The following DPH6 variants were observed in gnomAD, a reference collection of about 807,000 sequenced individuals.
DPH6 encodes diphthine--ammonia ligase.
DPH6 carries 33 observed loss-of-function variants against 38.2 expected under a neutral mutation model. The ratio of observed to expected loss-of-function variants is 0.86; its 90% confidence interval spans 0.65 to 1.15. DPH6 has a LOEUF of 1.15. Among genes scored for constraint, DPH6 ranks in the 50% most tolerant of loss-of-function variants. The pLI, the probability that DPH6 is intolerant of heterozygous loss-of-function variation, is 0.00. For synonymous variants in DPH6, 108 were observed against 103.0 expected (o/e 1.05, Z -0.30); for missense variants, 325 against 320.0 (o/e 1.02, Z -0.12).
chr15:35,217,329 C>T (rs2051416070), downstream of DPH6: 1 of 152,062 alleles, frequency 6.6e-6, no homozygotes, highest in African/African-American at 2.4e-5. Flanking sequence ...ATTTAGAAGG[C>T]ATACCAATGT....
At chr15:35,533,089 A>G (rs2141541283) in intron 3 of DPH6, among the ~76,000 whole-genome samples, 1 of 147,774 alleles carries the variant, frequency 6.8e-6, no homozygotes. Flanking sequence ...CCTGGGTGAC[A>G]AGAGCGACAC....
At chr15:35,505,797 T>G (rs886476957) in intron 3 of DPH6, among the ~76,000 whole-genome samples, 1 of 152,152 alleles carries the variant, frequency 6.6e-6, no homozygotes, top group African/African-American at 2.4e-5. Context: ...ACTGTTTTTC[T>G]AGCCTCAAAC....
chr15:35,237,542 G>A (rs576582891), intron 3 of DPH6: 28 of 1,549,826 alleles, frequency 1.8e-5, no homozygotes, highest in African/African-American at 1.5e-4. Context: ...TGAACTAAGC[G>A]ATAACAGAGT....
intron 3 of DPH6, among the ~76,000 whole-genome samples, chr15:35,458,360 G>C (rs1049024396): frequency 6.6e-6 from 1 of 152,020 alleles, no homozygotes; most frequent in Non-Finnish European, 1.5e-5. Flanking sequence ...CGCAACTCTA[G>C]GTAGAGTTGC....
intron 3 of DPH6, among the ~76,000 whole-genome samples, chr15:35,291,031 T>C (rs1358623813): frequency 2.0e-5 from 3 of 150,712 alleles, no homozygotes; most frequent in Non-Finnish European, 4.4e-5. Flanking sequence ...TAACCTAACA[T>C]TCAAAGAAGT....
rs548440369 is a variant in DPH6, at chr15:35,236,366, C to T, written n.201-15784G>A. On this transcript the variant is annotated intron_variant and non_coding_transcript_variant, in intron 3 of 3. Coordinates refer to the DPH6 transcript ENST00000560386. The stretch of plus-strand genomic sequence containing the variant: ...GAAAACCTCAAGTGTTGGCTGGGCG[C>T]GGTGGCTCACGCCTGTAATCCCAGC... Among the ~76,000 whole-genome samples, 14 of 152,274 alleles carry T rather than the reference C, an allele frequency of 9.2e-5. No homozygotes were observed. The South Asian group carries it at 1.5e-3, about 16-fold the overall frequency.
chr15:35,227,434 C>T lies in DPH6; in HGVS notation n.201-6852G>A, dbSNP rs148374035. 2.0e-3 allele frequency among the ~76,000 whole-genome samples: 306 copies of T among 152,014 alleles called. 1 individual carries two copies. The highest frequency in any genetic ancestry group is 6.9e-3 in the African/African-American group (286 of 41,482). On this transcript the variant is annotated intron_variant and non_coding_transcript_variant, in intron 3 of 3. Coordinates refer to the DPH6 transcript ENST00000560386. ...TCCTGACCTCATGATCCACCCATCTCGGCCTCCCAAAGTGCTGGGATTACA... is the reference window on the plus strand; with the variant it reads ...TCCTGACCTCATGATCCACCCATCTTGGCCTCCCAAAGTGCTGGGATTACA...
chr15:35,389,035 T>C (rs2053014227), intron 6 of DPH6, among the ~76,000 whole-genome samples: 1 of 152,226 alleles, frequency 6.6e-6, no homozygotes, highest in African/African-American at 2.4e-5. Flanking sequence ...GATTCTGGTA[T>C]GTTGTGTCTT....
intron 3 of DPH6, among the ~76,000 whole-genome samples, chr15:35,498,511 C>T (rs1449567429): frequency 1.3e-5 from 2 of 152,064 alleles, no homozygotes; most frequent in Non-Finnish European, 2.9e-5. Flanking sequence ...CAGGATTCTT[C>T]CACTTCTTCC....
At chr15:35,519,648 T>C (rs1280071784) in intron 3 of DPH6, 1 of 152,378 alleles carries the variant, frequency 6.6e-6, no homozygotes, top group Non-Finnish European at 1.5e-5. Flanking sequence ...GAACAAAAAT[T>C]AAATTTAAAT....
chr15:35,194,880 T>C, the DPH6 span, among the ~76,000 whole-genome samples: 2 of 152,248 alleles, frequency 1.3e-5, no homozygotes, highest in South Asian at 2.1e-4. Flanking sequence ...ATCAGAATAA[T>C]TGGGATATAA....
chr15:35,422,309 G>C (rs1255089463), intron 5 of DPH6, among the ~76,000 whole-genome samples: 2 of 151,800 alleles, frequency 1.3e-5, no homozygotes, highest in Non-Finnish European at 2.9e-5. Context: ...GATGAAATGA[G>C]AAGAGAAGAT....
intron 3 of DPH6, among the ~76,000 whole-genome samples, chr15:35,465,811 G>A (rs956450490): frequency 6.6e-6 from 1 of 152,040 alleles, no homozygotes; most frequent in Non-Finnish European, 1.5e-5. Context: ...TTAAATAGGG[G>A]AAAAAGTTGT....
At chr15:35,505,874 AT>A (rs1005926003) in intron 3 of DPH6, among the ~76,000 whole-genome samples, 1 of 152,024 alleles carries the variant, frequency 6.6e-6, no homozygotes, top group Non-Finnish European at 1.5e-5. Flanking sequence ...GAAAATCAAG[AT>A]TTTTTGCCTT....
intron 3 of DPH6, among the ~76,000 whole-genome samples, chr15:35,349,323 G>A (rs2052489060): frequency 6.6e-6 from 1 of 152,124 alleles, no homozygotes; most frequent in Admixed American, 6.6e-5. Context: ...CCATATTGAG[G>A]TAATTTCCTA....
chr15:35,433,491 A>G (rs1158372531), intron 5 of DPH6, among the ~76,000 whole-genome samples: 3 of 152,198 alleles, frequency 2.0e-5, no homozygotes, highest in Non-Finnish European at 4.4e-5. Context: ...GAGTCTCTCT[A>G]CACTGGGGTT....
rs983893570 is a variant in DPH6 at position 35,388,971 on chromosome 15, G to A, written c.568-7055C>T. 5.9e-5 allele frequency among the ~76,000 whole-genome samples: 9 copies of A among 151,912 alleles called. No individual in the cohort carries two copies. The East Asian group carries it at 1.7e-3, about 29-fold the overall frequency. ...TTAGATCTTTCCTGCTTTCTCTTGCGGGCATTTAGTGCTATAAATTTCCCT... is the reference window on the plus strand; with the variant it reads ...TTAGATCTTTCCTGCTTTCTCTTGCAGGCATTTAGTGCTATAAATTTCCCT... On this transcript the variant is annotated intron_variant, in intron 6 of 8. Coordinates refer to ENST00000256538, the MANE Select transcript of DPH6 (RefSeq NM_080650.4).
the DPH6 span, among the ~76,000 whole-genome samples, chr15:35,151,517 G>C: frequency 5.3e-5 from 8 of 152,370 alleles, no homozygotes; most frequent in East Asian, 1.9e-4. Context: ...GCCACCATCT[G>C]TGTGGCATTT....
chr15:35,184,037 A>G, the DPH6 span, among the ~76,000 whole-genome samples: 1 of 152,270 alleles, frequency 6.6e-6, no homozygotes, highest in African/African-American at 2.4e-5. Context: ...TTTCTAGGAC[A>G]TAATTTATTC....
Sources: allele counts gnomAD v4.1 joint callset (sites outside exome capture counted in the v4.1 genomes callset), GRCh38; gene constraint gnomAD v4.1.1; transcripts MANE v1.5; gene names NCBI Gene and HGNC (gene_info 2026-07-23, HGNC 2026-07-21).